The following TFDP2 variants were observed in gnomAD, a reference collection of about 807,000 sequenced individuals.
TFDP2 encodes the protein transcription factor Dp-2, also known as transcription factor Dp-2 (E2F dimerization partner 2).
TFDP2 carries 17 observed loss-of-function variants against 59.3 expected under a neutral mutation model. The observed-to-expected ratio is 0.29, with a 90% CI of 0.20 to 0.43. The LOEUF (loss-of-function observed/expected upper bound fraction) is 0.43, where lower values mean the gene tolerates loss of function less well. Ranked by LOEUF, TFDP2 falls within the 20% of genes least tolerant of loss-of-function variation. The pLI is 1.00. For synonymous variants in TFDP2, 180 were observed against 194.7 expected (o/e 0.92, Z 0.63); for missense variants, 391 against 528.8 (o/e 0.74, Z 2.56).
chr3:142,036,266 CTTAT>C (rs1946691172), intron 3 of TFDP2, among the ~76,000 whole-genome samples: 1 of 152,156 alleles, frequency 6.6e-6, no homozygotes, highest in South Asian at 2.1e-4. Context: ...AGGTGCATGA[CTTAT>C]TTACCATTCC....
intron 3 of TFDP2, among the ~76,000 whole-genome samples, chr3:142,077,280 TC>T (rs2060490075): frequency 6.6e-6 from 1 of 152,170 alleles, no homozygotes. Context: ...CTTCAGCAAG[TC>T]CTAGTGCTGT....
chr3:142,140,673 T>C (rs1403824424), intron 1 of TFDP2, among the ~76,000 whole-genome samples: 1 of 152,228 alleles, frequency 6.6e-6, no homozygotes, highest in East Asian at 1.9e-4. Flanking sequence ...AGACCCCGTT[T>C]GCCTGGGTAT....
chr3:142,120,954 C>T (rs530736465), intron 1 of TFDP2, among the ~76,000 whole-genome samples: 14 of 152,064 alleles, frequency 9.2e-5, no homozygotes, highest in South Asian at 2.1e-4. Context: ...GATTGTAGAA[C>T]GGAAAATTAA....
chr3:141,946,980 T>C lies in TFDP2; in HGVS notation c.*5533A>G, dbSNP rs1276342286. ...GAGGCAGAGGTTGCAGTGGCTGAGA[T>C]CATGCCACTGCACTCCAGCCTGGGC... On this transcript the variant is annotated 3_prime_UTR_variant, in exon 13 of 13. Transcript: ENST00000489671. 1 of 152,186 alleles carries C rather than the reference T, an allele frequency of 6.6e-6. No individual in the cohort carries two copies. Among genetic ancestry groups the C allele is most frequent in the East Asian group, 1.9e-4 (1 of 5,184 alleles). 9.4% of individuals were successfully genotyped at this position (152,186 alleles called of 1,614,324 possible).
chr3:142,043,241 G>T (rs1173454031), intron 3 of TFDP2, among the ~76,000 whole-genome samples: 2 of 144,660 alleles, frequency 1.4e-5, no homozygotes, highest in African/African-American at 2.6e-5. Flanking sequence ...TAGAGACGGG[G>T]TTTCACTGTG....
chr3:142,147,295 A>G (rs1345137102), intron 1 of TFDP2, among the ~76,000 whole-genome samples: 1 of 152,206 alleles, frequency 6.6e-6, no homozygotes, highest in Non-Finnish European at 1.5e-5. Flanking sequence ...AAAATCCACT[A>G]CAATTTAAAA....
rs1311892799 is a variant in TFDP2, at chr3:141,949,377, C to G, written c.*3136G>C. ...GTGGAGGACCGCCATGTTGGTCGCT[C>G]CTTTCCCGCCCTCCTCCAAGGCCCA... On this transcript the variant is annotated 3_prime_UTR_variant, in exon 13 of 13. Coordinates refer to ENST00000489671, the MANE Select transcript of TFDP2 (RefSeq NM_001178139.2). The G allele has an allele frequency of 6.6e-6, 1 of 152,208 alleles. No homozygotes were observed. The highest frequency in any genetic ancestry group is 1.5e-5 in the Non-Finnish European group (1 of 68,068). The allele number at this position is 152,208 out of a possible 1,614,324, so 9.4% of individuals were successfully genotyped here. A position where few individuals can be genotyped will look rare whatever the true frequency, so the allele number is the denominator to read the frequency against.
chr3:142,089,346 A>G (rs902665281), intron 3 of TFDP2, among the ~76,000 whole-genome samples: 2 of 152,154 alleles, frequency 1.3e-5, no homozygotes, highest in African/African-American at 4.8e-5. Flanking sequence ...GAAAAAAAAT[A>G]AGCTAACTTG....
intron 9 of TFDP2, among the ~76,000 whole-genome samples, chr3:141,966,286 C>T (rs1213300888): frequency 1.3e-5 from 2 of 151,866 alleles, no homozygotes; most frequent in Non-Finnish European, 2.9e-5. Flanking sequence ...GATTTTCCTG[C>T]TTCAGCCTCC....
At position 142,033,920 on chromosome 3, in the gene TFDP2, A is replaced by G. The variant is rs140474201; in HGVS notation, c.83-28376T>C. Among the ~76,000 whole-genome samples the G allele has an allele frequency of 1.2e-3, 180 of 152,206 alleles. 2 individuals carry two copies. The highest frequency in any genetic ancestry group is 3.9e-3 in the African/African-American group (163 of 41,518). On this transcript the variant is annotated intron_variant, in intron 3 of 12. Coordinates refer to ENST00000489671, the MANE Select transcript of TFDP2 (RefSeq NM_001178139.2). Reference sequence around the variant, plus strand: ...AGCTTTCAAACTTACTTCCCTCTTCAGAAACTTTAATATTTCTCTTCCCAC... The same window carrying G: ...AGCTTTCAAACTTACTTCCCTCTTCGGAAACTTTAATATTTCTCTTCCCAC...
intron 3 of TFDP2, among the ~76,000 whole-genome samples, chr3:142,071,466 T>A (rs1430646580): frequency 6.6e-6 from 1 of 152,152 alleles, no homozygotes; most frequent in Non-Finnish European, 1.5e-5. Context: ...CCATAAAGGA[T>A]CATTTAAATT....
rs907294 is a variant in TFDP2, at chr3:142,021,650, C to T, written c.83-16106G>A. Among the ~76,000 whole-genome samples, 912 of 152,304 alleles carry T rather than the reference C, an allele frequency of 6.0e-3. 16 individuals are homozygous for T. Among genetic ancestry groups the T allele is most frequent in the African/African-American group, 0.02 (814 of 41,566 alleles). ...TCCCTCCTTTTCTTGTATCTAGAAC[C>T]ATGAATGCCCTAAATTCTTAAATTT... On this transcript the variant is annotated intron_variant, in intron 3 of 12. Coordinates refer to ENST00000489671, the MANE Select transcript of TFDP2 (RefSeq NM_001178139.2).
chr3:142,060,547 T>C (rs902356088), intron 3 of TFDP2, among the ~76,000 whole-genome samples: 1 of 152,212 alleles, frequency 6.6e-6, no homozygotes, highest in African/African-American at 2.4e-5. Flanking sequence ...CAATATGATC[T>C]TAAAATGCCA....
At chr3:141,965,689 G>A (rs1266513062) in intron 9 of TFDP2, among the ~76,000 whole-genome samples, 1 of 151,674 alleles carries the variant, frequency 6.6e-6, no homozygotes, top group African/African-American at 2.4e-5. Context: ...CCCCAAAAGG[G>A]GAAGATTTAC....
chr3:141,992,723 G>A (rs774342305), intron 6 of TFDP2, among the ~76,000 whole-genome samples: 41 of 152,054 alleles, frequency 2.7e-4, no homozygotes, highest in Non-Finnish European at 1.0e-4. Flanking sequence ...CTAGTGTCAG[G>A]GCAAGAAAAC....
chr3:142,100,527 C>T (rs191142987), intron 2 of TFDP2, among the ~76,000 whole-genome samples: 33 of 152,308 alleles, frequency 2.2e-4, no homozygotes, highest in African/African-American at 6.7e-4. Context: ...CGTCTGTCAC[C>T]GCGCCTGGCT....
rs1225917255 is a variant in TFDP2 at position 142,050,263 on chromosome 3, CA to C, written c.82+42797del. 7.6e-3 allele frequency among the ~76,000 whole-genome samples: 806 copies of C among 105,398 alleles called. 5 individuals are homozygous for C. The highest frequency in any genetic ancestry group is 0.026 in the African/African-American group (711 of 27,210). 69.1% of individuals were successfully genotyped at this position (105,398 alleles called of 152,430 possible). ...TGGGTGACAGAGCAAGACTTCATCT[CA>C]AAAAAAAAAAAATAATAAAAAAAAA... On this transcript the variant is annotated intron_variant, in intron 3 of 12. Coordinates refer to ENST00000489671, the MANE Select transcript of TFDP2 (RefSeq NM_001178139.2).
chr3:141,974,566 T>A (rs189079652), intron 7 of TFDP2, among the ~76,000 whole-genome samples: 64 of 152,218 alleles, frequency 4.2e-4, no homozygotes, highest in Non-Finnish European at 7.4e-4. Flanking sequence ...TGTGGGTAAA[T>A]CTCAATTTTC....
intron 6 of TFDP2, among the ~76,000 whole-genome samples, chr3:141,981,815 A>G (rs1345961259): frequency 6.6e-6 from 1 of 152,204 alleles, no homozygotes; most frequent in Non-Finnish European, 1.5e-5. Flanking sequence ...CAGGTAAGAG[A>G]ATATGAATCC....
Sources: gnomAD v4.1 joint callset for allele counts (sites outside exome capture counted in the v4.1 genomes callset) on GRCh38, gnomAD v4.1.1 for gene constraint, MANE v1.5 for transcripts, NCBI Gene and HGNC (gene_info 2026-07-23, HGNC 2026-07-21) for gene names.